Variants in LMO7 observed in about 807,000 individuals in gnomAD.
LMO7 encodes the protein LIM domain 7.
LMO7 carries 120 observed loss-of-function variants against 206.5 expected under a neutral mutation model. That is an observed-to-expected ratio of 0.58 (90% CI 0.50 to 0.68). The LOEUF (loss-of-function observed/expected upper bound fraction) is 0.68, where lower values mean the gene tolerates loss of function less well. LMO7 is among the 30% of genes least tolerant of loss of function. LMO7 has a pLI of 0.00. For missense variants in LMO7, 1,959 were observed against 1,957.9 expected (o/e 1.00, Z -0.01); for synonymous variants, 706 against 681.5 (o/e 1.04, Z -0.56).
intron 2 of LMO7, among the ~76,000 whole-genome samples, chr13:75,721,881 A>G (rs1250847795): frequency 6.6e-6 from 1 of 152,230 alleles, no homozygotes; most frequent in Non-Finnish European, 1.5e-5. Flanking sequence ...AGAACAGAAT[A>G]AAGAACCCAG....
chr13:75,625,968 G>A (rs1448423104), intron 2 of LMO7, among the ~76,000 whole-genome samples: 1 of 152,166 alleles, frequency 6.6e-6, no homozygotes, highest in Non-Finnish European at 1.5e-5. Flanking sequence ...GTGAAGACCA[G>A]CCAAGAACTT....
intron 4 of LMO7, among the ~76,000 whole-genome samples, chr13:75,771,134 A>G (rs1017597939): frequency 5.3e-5 from 8 of 151,888 alleles, no homozygotes; most frequent in African/African-American, 1.9e-4. Flanking sequence ...ATGATCTAAA[A>G]TTTTTTTTCT....
chr13:75,723,374 G>T (rs953107269), intron 2 of LMO7, among the ~76,000 whole-genome samples: 3 of 144,468 alleles, frequency 2.1e-5, no homozygotes, highest in Admixed American at 2.0e-4. Flanking sequence ...TAAATCACAG[G>T]TTAAAAAGTT....
intron 1 of LMO7, among the ~76,000 whole-genome samples, chr13:75,644,319 T>C (rs2036826377): frequency 6.6e-6 from 1 of 152,182 alleles, no homozygotes; most frequent in South Asian, 2.1e-4. Flanking sequence ...AATAATTTAC[T>C]CAAGGAAACA....
intron 1 of LMO7, among the ~76,000 whole-genome samples, chr13:75,653,088 T>A (rs2037738448): frequency 6.6e-6 from 1 of 152,168 alleles, no homozygotes; most frequent in Non-Finnish European, 1.5e-5. Flanking sequence ...GGACAGAGTA[T>A]AGAAGGAAAT....
At chr13:75,805,120 T>G in intron 8 of LMO7, 21 of 1,042,828 alleles carry the variant, frequency 2.0e-5, no homozygotes, top group Non-Finnish European at 2.4e-5. Context: ...CCTGCTGATA[T>G]GTTTGCCATG....
At chr13:75,764,334 A>G (rs1441117946) in intron 4 of LMO7, among the ~76,000 whole-genome samples, 3 of 152,156 alleles carry the variant, frequency 2.0e-5, no homozygotes, top group Non-Finnish European at 4.4e-5. Context: ...CATACTGAGC[A>G]CATACTCTCC....
intron 24 of LMO7, 63 bp downstream of exon 24, chr13:75,842,046 C>G: frequency 1.6e-6 from 2 of 1,219,492 alleles, no homozygotes; most frequent in Non-Finnish European, 2.3e-6. Flanking sequence ...TTCAAAGGCA[C>G]CCGCTTGCTC....
intron 1 of LMO7, among the ~76,000 whole-genome samples, chr13:75,675,047 G>T (rs920030582): frequency 1.2e-4 from 18 of 151,858 alleles, no homozygotes; most frequent in African/African-American, 4.4e-4. Flanking sequence ...TATAACAGAA[G>T]AATGTCACAA....
At chr13:75,689,493 T>G (rs2041279815) in intron 1 of LMO7, among the ~76,000 whole-genome samples, 1 of 152,142 alleles carries the variant, frequency 6.6e-6, no homozygotes, top group Non-Finnish European at 1.5e-5. Context: ...TGCAAAGTAT[T>G]GTGTTGGGCG....
chr13:75,840,313 G>A (rs1356612113), intron 21 of LMO7, 78 bp from the exon 22 acceptor site: 1 of 1,516,002 alleles, frequency 6.6e-7, no homozygotes, highest in South Asian at 1.1e-5. Flanking sequence ...TAATTTATGT[G>A]TGCAAAAGTG....
In LMO7 at chr13:75,805,619, G is replaced by A. The variant is rs1211852622; in HGVS notation, c.1055G>A (p.Arg352His). 1.1e-5 allele frequency: 18 copies of A among 1,614,060 alleles called. No individual in the cohort carries two copies. The highest frequency in any genetic ancestry group is 2.2e-5 in the South Asian group (2 of 91,086). Residue 352 changes from arginine (R) to histidine (H), a missense_variant, in exon 9 of 31, where the codon CGC (arginine) becomes CAC (histidine). Arg to His is a conservative substitution (Grantham distance 29). Transcript: ENST00000377534. ...ATTGTAAAGGATGATCTTTATGTGC[G>A]CAAGCTCAGTCCAGTCATGCCAAAC... ...PNIVKDDLYVRKLSPVMPNPG... is the reference protein window; with the variant it reads ...PNIVKDDLYVHKLSPVMPNPG...
intron 1 of LMO7, among the ~76,000 whole-genome samples, chr13:75,684,308 T>TCTC (rs1430750752): frequency 1.3e-5 from 2 of 152,226 alleles, no homozygotes; most frequent in African/African-American, 4.8e-5. Flanking sequence ...ATCTCTGCAA[T>TCTC]CTCTGCTCAC....
chr13:75,797,961 A>C (rs933061609), intron 6 of LMO7, among the ~76,000 whole-genome samples: 3 of 152,362 alleles, frequency 2.0e-5, no homozygotes, highest in African/African-American at 7.2e-5. Flanking sequence ...ATAGGTGAGC[A>C]TATTGGTCAC....
intron 11 of LMO7, 33 bp from the exon 12 acceptor site, chr13:75,817,128 C>A: frequency 6.6e-7 from 1 of 1,509,264 alleles, no homozygotes; most frequent in Non-Finnish European, 9.2e-7. Flanking sequence ...GTCATGTGAA[C>A]TTCCGTAGTA....
chr13:75,839,727 CTT>C (rs35308084), intron 20 of LMO7: 32,454 of 145,446 alleles, frequency 0.22, 3,840 homozygotes, highest in African/African-American at 0.37. Context: ...ATTTGAAATT[CTT>C]TTTTTTTTTT....
At chr13:75,620,692 T>C (rs1171333642) in exon 1 of LMO7, 1 of 152,206 alleles carries the variant, frequency 6.6e-6, no homozygotes, top group African/African-American at 2.4e-5. Flanking sequence ...ACCTCTTGCA[T>C]TGAGTTTGGA....
At chr13:75,665,375 A>G (rs1430865860) in intron 1 of LMO7, among the ~76,000 whole-genome samples, 1 of 152,038 alleles carries the variant, frequency 6.6e-6, no homozygotes. Context: ...GATGTATTGA[A>G]GTACAGTAGT....
chr13:75,704,588 A>C (rs2042518988), intron 1 of LMO7, among the ~76,000 whole-genome samples: 1 of 152,196 alleles, frequency 6.6e-6, no homozygotes, highest in Non-Finnish European at 1.5e-5. Context: ...TTGGGATTCT[A>C]GGCACCTTTT....
Sources: allele counts gnomAD v4.1 joint callset (sites outside exome capture counted in the v4.1 genomes callset), GRCh38; gene constraint gnomAD v4.1.1; transcripts MANE v1.5; gene names NCBI Gene and HGNC (gene_info 2026-07-23, HGNC 2026-07-21).